The following MLLT10 variants were observed in gnomAD, a reference collection of about 807,000 sequenced individuals.
The protein encoded by MLLT10 is MLLT10 histone lysine methyltransferase DOT1L cofactor.
In MLLT10, 30 loss-of-function variants were observed where a neutral mutation model predicts 129.1. The ratio of observed to expected loss-of-function variants is 0.23; its 90% CI spans 0.17 to 0.32. The LOEUF is 0.32. MLLT10 is among the 10% of genes least tolerant of loss of function. The probability of loss-of-function intolerance (pLI) is 1.00; values close to 1 mark genes in which losing one functional copy is unlikely to be tolerated. For synonymous variants in MLLT10, 490 were observed against 446.4 expected, an observed-to-expected ratio of 1.10 and a Z score of -1.23; for missense variants, 1,119 against 1,268.3, an observed-to-expected ratio of 0.88 and a Z score of 1.79.
chr10:21,677,042 A>G (rs1334794205), intron 11 of MLLT10, among the ~76,000 whole-genome samples: 1 of 152,186 alleles, frequency 6.6e-6, no homozygotes, highest in Non-Finnish European at 1.5e-5. Context: ...GTTATTACTC[A>G]TTATATAGGA....
In MLLT10 at chr10:21,742,363, A is replaced by G. The variant is rs544256269; in HGVS notation, c.*380A>G. ...AAAACTAAATACTTGCTCCATTTAC[A>G]AACTACTTGATTTTATTGTACAAGT... On this transcript the variant is annotated 3_prime_UTR_variant, in exon 23 of 23. Transcript: ENST00000307729. 4.1e-6 allele frequency: 1 copy of G among 242,056 alleles called. No individual in the cohort carries two copies. The highest frequency in any genetic ancestry group is 1.7e-4 in the South Asian group (1 of 5,936). 15.0% of individuals were successfully genotyped at this position (242,056 alleles called of 1,614,324 possible).
At chr10:21,693,428 T>C (rs1198103658) in intron 13 of MLLT10, among the ~76,000 whole-genome samples, 1 of 152,170 alleles carries the variant, frequency 6.6e-6, no homozygotes, top group Non-Finnish European at 1.5e-5. Context: ...CACCATCTCT[T>C]ATGTTTTCAT....
chr10:21,581,262 T>C (rs1177777665), intron 3 of MLLT10, among the ~76,000 whole-genome samples: 1 of 151,958 alleles, frequency 6.6e-6, no homozygotes, highest in South Asian at 2.1e-4. Context: ...TTAGCCAGGA[T>C]GGTCTCGATC....
intron 13 of MLLT10, among the ~76,000 whole-genome samples, chr10:21,705,857 A>G (rs1250341525): frequency 6.6e-6 from 1 of 152,226 alleles, no homozygotes; most frequent in African/African-American, 2.4e-5. Context: ...TGTGCTGTCA[A>G]CACAATCTCC....
intron 22 of MLLT10, among the ~76,000 whole-genome samples, chr10:21,741,034 G>T (rs920985818): frequency 6.6e-6 from 1 of 152,192 alleles, no homozygotes; most frequent in Non-Finnish European, 1.5e-5. Flanking sequence ...AGTGTTTGCT[G>T]TTTCCCGTTA....
At chr10:21,678,043 C>G (rs1401350506) in intron 11 of MLLT10, among the ~76,000 whole-genome samples, 1 of 152,114 alleles carries the variant, frequency 6.6e-6, no homozygotes, top group African/African-American at 2.4e-5. Context: ...TTTTGTACTT[C>G]CCCTCTGAGT....
intron 9 of MLLT10, 146 bp downstream of exon 9, chr10:21,651,914 T>C (rs985630471): frequency 5.6e-6 from 3 of 531,548 alleles, no homozygotes; most frequent in Non-Finnish European, 9.6e-6. Context: ...TTTTTTTTTT[T>C]TTTTTTTTTT....
intron 4 of MLLT10, among the ~76,000 whole-genome samples, chr10:21,593,997 T>G (rs980525229): frequency 5.3e-5 from 8 of 151,088 alleles, no homozygotes; most frequent in African/African-American, 1.9e-4. Flanking sequence ...ACTGTTTTCT[T>G]TTAGAGAGGA....
Position 21,542,568 on chromosome 10 carries a change from C to G in MLLT10, c.240+3656C>G, listed in dbSNP as rs1311056703. On this transcript the variant is annotated intron_variant, in intron 3 of 22. Transcript: ENST00000307729. The stretch of plus-strand genomic sequence containing the variant: ...TTGGGCAATGAGTGAAACTCTGTCT[C>G]AAAAAAATATATATATATTAGATGC... Among the ~76,000 whole-genome samples the G allele has an allele frequency of 3.3e-5, 5 of 152,014 alleles. No individual in the cohort carries two copies. In the East Asian group the frequency reaches 9.7e-4, roughly 29 times the overall value.
intron 13 of MLLT10, among the ~76,000 whole-genome samples, chr10:21,706,193 C>G (rs1210656956): frequency 6.6e-6 from 1 of 152,158 alleles, no homozygotes; most frequent in Non-Finnish European, 1.5e-5. Context: ...CATCTTGAAA[C>G]CCCTCTCTCA....
At chr10:21,615,076 A>T in intron 7 of MLLT10, 152 bp downstream of exon 7, 1 of 599,242 alleles carries the variant, frequency 1.7e-6, no homozygotes, top group East Asian at 2.9e-5. Context: ...GGAAGTAAAT[A>T]GATCTGTTAA....
chr10:21,592,420 C>A (rs1206585759), intron 4 of MLLT10, among the ~76,000 whole-genome samples: 1 of 149,916 alleles, frequency 6.7e-6, no homozygotes. Context: ...ATTTTCATTT[C>A]TTTCCCTTAG....
intron 14 of MLLT10, among the ~76,000 whole-genome samples, chr10:21,717,519 A>ACCTCCTCCT (rs1180960349): frequency 4.9e-4 from 37 of 75,284 alleles, no homozygotes; most frequent in South Asian, 2.5e-3. Flanking sequence ...CTCCTCCACC[A>ACCTCCTCCT]CCTCCTCCTC....
intron 3 of MLLT10, among the ~76,000 whole-genome samples, chr10:21,571,263 C>T (rs1244488029): frequency 1.3e-5 from 2 of 152,214 alleles, no homozygotes; most frequent in African/African-American, 2.4e-5. Context: ...ATTGCAAGTG[C>T]TGATTTGTCA....
chr10:21,729,467 C>G (rs557047142), intron 16 of MLLT10, among the ~76,000 whole-genome samples: 1 of 152,240 alleles, frequency 6.6e-6, no homozygotes, highest in South Asian at 2.1e-4. Context: ...GTATAGTGTA[C>G]TATTTGCAGA....
At chr10:21,686,190 C>G (rs1404952955) in intron 13 of MLLT10, among the ~76,000 whole-genome samples, 1 of 152,138 alleles carries the variant, frequency 6.6e-6, no homozygotes, top group Non-Finnish European at 1.5e-5. Flanking sequence ...TTCCAGGGCA[C>G]CACCACAAAA....
At chr10:21,627,204 ACT>A (rs1475178589) in intron 8 of MLLT10, among the ~76,000 whole-genome samples, 1 of 151,984 alleles carries the variant, frequency 6.6e-6, no homozygotes, top group East Asian at 1.9e-4. Context: ...TATCTCTCTC[ACT>A]CTCTTTCTCC....
intron 21 of MLLT10, among the ~76,000 whole-genome samples, chr10:21,736,235 G>A (rs2058352093): frequency 6.6e-6 from 1 of 152,144 alleles, no homozygotes; most frequent in Non-Finnish European, 1.5e-5. Context: ...AGGAGACGTA[G>A]GTGTTAAAAT....
At chr10:21,548,267 T>G (rs2036425230) in intron 3 of MLLT10, among the ~76,000 whole-genome samples, 1 of 152,180 alleles carries the variant, frequency 6.6e-6, no homozygotes, top group Admixed American at 6.5e-5. Context: ...CTTCAAATAC[T>G]GTAACCTTCT....
Sources: allele counts gnomAD v4.1 joint callset (sites outside exome capture counted in the v4.1 genomes callset), GRCh38; gene constraint gnomAD v4.1.1; transcripts MANE v1.5; gene names NCBI Gene and HGNC (gene_info 2026-07-23, HGNC 2026-07-21).